Variants in LNPK observed in about 807,000 individuals in gnomAD.
LNPK encodes the protein endoplasmic reticulum junction formation protein lunapark.
A neutral mutation model predicts 55.2 loss-of-function variants in LNPK; 29 were observed. That is an observed-to-expected ratio of 0.53 (90% CI 0.39 to 0.72). The LOEUF (loss-of-function observed/expected upper bound fraction) is 0.72. Among genes scored for constraint, LNPK ranks in the 30% least tolerant of loss-of-function variants. The probability of loss-of-function intolerance (pLI) is 0.00; values close to 1 mark genes in which losing one functional copy is unlikely to be tolerated. For synonymous variants in LNPK, 162 were observed against 168.2 expected, an observed-to-expected ratio of 0.96 and a Z score of 0.29; for missense variants, 467 against 494.8, an observed-to-expected ratio of 0.94 and a Z score of 0.53.
chr2:175,938,562 A>C, intron 10 of LNPK, 179 bp from the exon 11 acceptor site: 1 of 394,346 alleles, frequency 2.5e-6, no homozygotes, highest in Non-Finnish European at 4.6e-6. Context: ...AAATTAACCA[A>C]AGCCCAAATT....
intron 8 of LNPK, among the ~76,000 whole-genome samples, chr2:175,953,611 A>C (rs1236048449): frequency 6.6e-6 from 1 of 150,758 alleles, no homozygotes; most frequent in Non-Finnish European, 1.5e-5. Context: ...GTATCAATCT[A>C]CTCCTGAATT....
intron 9 of LNPK, among the ~76,000 whole-genome samples, chr2:175,947,201 A>G (rs1685173728): frequency 6.6e-6 from 1 of 152,202 alleles, no homozygotes; most frequent in South Asian, 2.1e-4. Context: ...ATATAAAAAG[A>G]TATGCTGTAC....
intron 4 of LNPK, among the ~76,000 whole-genome samples, chr2:175,980,071 A>G (rs1687099734): frequency 6.6e-6 from 1 of 152,224 alleles, no homozygotes; most frequent in Admixed American, 6.5e-5. Context: ...TAAAGTCCAC[A>G]GACCTTCTGA....
intron 5 of LNPK, among the ~76,000 whole-genome samples, chr2:175,975,459 A>G (rs1055544674): frequency 1.3e-5 from 2 of 152,070 alleles, no homozygotes; most frequent in African/African-American, 4.8e-5. Context: ...TTTTCATTTT[A>G]TTTTTTTGTG....
chr2:175,962,732 C>T (rs1686109345), intron 8 of LNPK, among the ~76,000 whole-genome samples: 1 of 152,108 alleles, frequency 6.6e-6, no homozygotes, highest in Admixed American at 6.6e-5. Flanking sequence ...AGAGCTTCTG[C>T]ACAGCAGAAG....
rs373398855 is a variant in LNPK, at chr2:175,940,638, G to A, written c.707-981C>T. Among the ~76,000 whole-genome samples the A allele has an allele frequency of 3.4e-3, 519 of 152,142 alleles. 15 individuals are homozygous for A. In the South Asian group the frequency reaches 0.072, roughly 21 times the overall value. On this transcript the variant is annotated intron_variant, in intron 9 of 12. Coordinates refer to ENST00000272748, the MANE Select transcript of LNPK (RefSeq NM_030650.3). ...TCTGGCAACAGATTAAAAATTACTA[G>A]ACATGCCAATAAGCAGGAAAATATC...
intron 1 of LNPK, among the ~76,000 whole-genome samples, chr2:176,001,096 T>C (rs771531991): frequency 2.0e-5 from 3 of 152,206 alleles, no homozygotes; most frequent in Non-Finnish European, 2.9e-5. Context: ...CTGATCTCAA[T>C]AGATAACAGA....
chr2:175,938,094 A>G (rs1480309560), intron 11 of LNPK, among the ~76,000 whole-genome samples: 1 of 152,150 alleles, frequency 6.6e-6, no homozygotes, highest in East Asian at 1.9e-4. Context: ...TGTGATGCAC[A>G]GTGGGGTTTG....
intron 4 of LNPK, among the ~76,000 whole-genome samples, chr2:175,987,017 T>C (rs574601234): frequency 6.6e-6 from 1 of 151,096 alleles, no homozygotes; most frequent in South Asian, 2.1e-4. Context: ...GGTAAAATTA[T>C]TGCTATTTAC....
intron 7 of LNPK, 25 bp from the exon 8 acceptor site, chr2:175,964,448 C>T (rs781246208): frequency 1.9e-6 from 3 of 1,605,758 alleles, no homozygotes; most frequent in East Asian, 2.2e-5. Context: ...AATGTTATTA[C>T]AGTGACCTAT....
chr2:175,929,158 A>G lies in LNPK; in HGVS notation c.*809T>C. 1 of 979,172 alleles carries G rather than the reference A, an allele frequency of 1.0e-6. No homozygotes were observed. 60.7% of individuals were successfully genotyped at this position (979,172 alleles called of 1,614,324 possible). ...TTTTCATTTTCCTTAATAAAATACA[A>G]ACAAGAGCACAAAATTCACTTATAT... On this transcript the variant is annotated 3_prime_UTR_variant, in exon 13 of 13. Transcript: ENST00000272748.
At chr2:175,938,995 C>T (rs1164195683) in intron 10 of LNPK, among the ~76,000 whole-genome samples, 2 of 152,012 alleles carry the variant, frequency 1.3e-5, no homozygotes, top group Non-Finnish European at 2.9e-5. Context: ...CGATTTATTA[C>T]ATAAACACTA....
intron 8 of LNPK, among the ~76,000 whole-genome samples, chr2:175,959,208 T>C (rs982016749): frequency 2.0e-5 from 3 of 151,968 alleles, no homozygotes; most frequent in African/African-American, 7.3e-5. Flanking sequence ...ATCCAGGAAA[T>C]ACAGAGAATA....
chr2:175,959,950 CAA>C (rs746207774), intron 8 of LNPK, among the ~76,000 whole-genome samples: 8 of 151,538 alleles, frequency 5.3e-5, no homozygotes, highest in South Asian at 4.2e-4. Context: ...CAACAAAGAT[CAA>C]AAGAGACAAA....
rs1257191323 is a variant in LNPK, at chr2:176,002,196, C to T, written c.-99G>A. 1 of 449,564 alleles carries T rather than the reference C, an allele frequency of 2.2e-6. No individual in the cohort carries two copies. The highest frequency in any genetic ancestry group is 2.0e-5 in the African/African-American group (1 of 49,266). 27.8% of individuals were successfully genotyped at this position (449,564 alleles called of 1,614,324 possible). On this transcript the variant is annotated 5_prime_UTR_variant, in exon 1 of 13. It adds an upstream start codon to the 5' untranslated region. Coordinates refer to ENST00000272748, the MANE Select transcript of LNPK (RefSeq NM_030650.3). The stretch of plus-strand genomic sequence containing the variant: ...GGGCGCAGCCCGGCCCGGGCGTCCA[C>T]CCCCGCCAGTCTCGGCCGCCACCGC...
chr2:176,002,416 G>A (rs1688208120), upstream of LNPK: 1 of 337,174 alleles, frequency 3.0e-6, no homozygotes, highest in Non-Finnish European at 5.7e-6. Context: ...AGGATCTTGT[G>A]TTTGTGGCCT....
chr2:175,991,403 A>C (rs923524127), intron 4 of LNPK, among the ~76,000 whole-genome samples: 1 of 152,206 alleles, frequency 6.6e-6, no homozygotes, highest in Non-Finnish European at 1.5e-5. Context: ...AAAGCACTCA[A>C]TTTCAGCTCT....
intron 8 of LNPK, among the ~76,000 whole-genome samples, chr2:175,962,428 A>T (rs1254475172): frequency 6.6e-6 from 1 of 152,230 alleles, no homozygotes; most frequent in African/African-American, 2.4e-5. Flanking sequence ...ATCTTTGACA[A>T]ACCTGACAAA....
At chr2:175,933,470 G>A (rs980140863) in intron 12 of LNPK, among the ~76,000 whole-genome samples, 9 of 152,134 alleles carry the variant, frequency 5.9e-5, no homozygotes, top group African/African-American at 2.2e-4. Context: ...CAAAGGAACT[G>A]TGTTAAATTA....
Sources: gnomAD v4.1 joint callset for allele counts (sites outside exome capture counted in the v4.1 genomes callset) on GRCh38, gnomAD v4.1.1 for gene constraint, MANE v1.5 for transcripts, NCBI Gene and HGNC (gene_info 2026-07-23, HGNC 2026-07-21) for gene names.